SLC9B2: variants seen among roughly 807,000 people sequenced by gnomAD.
SLC9B2 encodes the protein solute carrier family 9 member B2.
Under a neutral mutation model 52.2 loss-of-function variants are expected in SLC9B2, and 39 were observed. The ratio of observed to expected loss-of-function variants is 0.75; its 90% CI spans 0.58 to 0.98. SLC9B2 has a LOEUF of 0.98. SLC9B2 is among the 50% of genes least tolerant of loss of function. The probability of loss-of-function intolerance (pLI) is 0.00; values close to 1 mark genes in which losing one functional copy is unlikely to be tolerated. For synonymous variants in SLC9B2, 214 were observed against 227.0 expected (o/e 0.94, Z 0.51); for missense variants, 626 against 637.5 (o/e 0.98, Z 0.19).
downstream of SLC9B2, among the ~76,000 whole-genome samples, chr4:103,021,115 A>G (rs1368487440): frequency 6.6e-6 from 1 of 151,934 alleles, no homozygotes; most frequent in Admixed American, 6.6e-5. Context: ...CCCTAAAGAT[A>G]ATGGGAGTTG....
chr4:103,043,573 G>A lies in SLC9B2; in HGVS notation c.997-128C>T, dbSNP rs1467140839. 7 of 807,114 alleles carry A rather than the reference G, an allele frequency of 8.7e-6. No homozygotes were observed. The Admixed American group carries it at 2.2e-4, about 25-fold the overall frequency. 50.0% of individuals were successfully genotyped at this position (807,114 alleles called of 1,614,324 possible). ...ATGTCTATATAAATAGACAAAACAA[G>A]TGCACTACATAACATTTACTTTCTC... On this transcript the variant is annotated intron_variant, in intron 8 of 11. Coordinates refer to ENST00000394785, the MANE Select transcript of SLC9B2 (RefSeq NM_178833.7).
intron 1 of SLC9B2, among the ~76,000 whole-genome samples, chr4:103,070,454 T>C (rs1746516181): frequency 6.6e-6 from 1 of 152,224 alleles, no homozygotes; most frequent in Non-Finnish European, 1.5e-5. Context: ...GTTTGTTTGA[T>C]TTTTGAGACG....
chr4:103,031,173 G>T (rs1411271840), intron 10 of SLC9B2, among the ~76,000 whole-genome samples: 1 of 152,088 alleles, frequency 6.6e-6, no homozygotes, highest in Non-Finnish European at 1.5e-5. Context: ...ATACTGTGAT[G>T]GAAGGAAAGA....
chr4:103,060,546 T>G (rs1024286689), intron 3 of SLC9B2, among the ~76,000 whole-genome samples: 20 of 151,054 alleles, frequency 1.3e-4, no homozygotes, highest in South Asian at 1.0e-3. Context: ...TGTTTGTTTT[T>G]TTTTTTTTTT....
downstream of SLC9B2, chr4:103,020,251 G>T: frequency 5.5e-6 from 2 of 364,690 alleles, no homozygotes; most frequent in Non-Finnish European, 1.0e-5. Flanking sequence ...AAACCTTTGT[G>T]AGTTTTTTTT....
At chr4:103,060,238 T>C (rs1745504840) in intron 3 of SLC9B2, among the ~76,000 whole-genome samples, 1 of 151,948 alleles carries the variant, frequency 6.6e-6, no homozygotes, top group Non-Finnish European at 1.5e-5. Flanking sequence ...TTCATCTTTG[T>C]GTGTACTGCA....
At chr4:103,072,160 G>A (rs1397463617) in intron 1 of SLC9B2, among the ~76,000 whole-genome samples, 1 of 145,084 alleles carries the variant, frequency 6.9e-6, no homozygotes, top group Non-Finnish European at 1.5e-5. Context: ...CCGGTTTCAA[G>A]CTATTCTCCT....
intron 7 of SLC9B2, among the ~76,000 whole-genome samples, chr4:103,046,524 T>C (rs1277587881): frequency 6.6e-6 from 1 of 152,198 alleles, no homozygotes; most frequent in East Asian, 1.9e-4. Context: ...TCCATTAAAA[T>C]CATTGCTGTT....
intron 9 of SLC9B2, among the ~76,000 whole-genome samples, chr4:103,034,238 T>C (rs1182714804): frequency 6.6e-6 from 1 of 152,154 alleles, no homozygotes; most frequent in Non-Finnish European, 1.5e-5. Flanking sequence ...TGTGCTGGGA[T>C]AACTGGCTAA....
At chr4:103,069,772 T>C (rs1415088024) in intron 1 of SLC9B2, among the ~76,000 whole-genome samples, 1 of 152,240 alleles carries the variant, frequency 6.6e-6, no homozygotes, top group Non-Finnish European at 1.5e-5. Context: ...GCAGTACCAC[T>C]AGAATTACCT....
At chr4:103,027,184 T>C (rs961830882) in intron 11 of SLC9B2, among the ~76,000 whole-genome samples, 1 of 152,204 alleles carries the variant, frequency 6.6e-6, no homozygotes, top group Admixed American at 6.5e-5. Flanking sequence ...AATCACAATA[T>C]TAATTAAATA....
chr4:103,050,166 G>A, intron 5 of SLC9B2, 74 bp downstream of exon 5: 1 of 1,296,080 alleles, frequency 7.7e-7, no homozygotes, highest in South Asian at 1.9e-5. Flanking sequence ...CTAATGCTTA[G>A]TGATTCTGTT....
At position 103,066,587 on chromosome 4, in the gene SLC9B2, CA is replaced by C. The variant is rs1746151931; in HGVS notation, c.91-81del. 13 of 1,335,098 alleles carry C rather than the reference CA, an allele frequency of 9.7e-6. No homozygotes were observed. In the East Asian group the frequency reaches 3.2e-4, roughly 32 times the overall value. 82.7% of individuals were successfully genotyped at this position (1,335,098 alleles called of 1,614,324 possible). A position where few individuals can be genotyped will look rare whatever the true frequency, so the allele number is the denominator to read the frequency against. On this transcript the variant is annotated intron_variant, in intron 2 of 11. Transcript: ENST00000394785. ...TTATAGGTACTGCATCATCACCTTA[CA>C]AATCAAATTTCTATGACTAGCATCA...
At chr4:103,072,056 G>GCTTTTTTTTTT (rs1746686766) in intron 1 of SLC9B2, among the ~76,000 whole-genome samples, 1 of 95,306 alleles carries the variant, frequency 1.0e-5, no homozygotes, top group Non-Finnish European at 1.9e-5. Flanking sequence ...TGGCTTTCAT[G>GCTTTTTTTTTT]TTTTTTTTTT....
In SLC9B2 at chr4:103,067,603, A is replaced by T. The variant is rs750307963; in HGVS notation, c.-42-11T>A. The T allele has an allele frequency of 2.9e-6, 4 of 1,360,882 alleles. No homozygotes were observed. In the African/African-American group the frequency reaches 5.7e-5, roughly 19 times the overall value. The allele number at this position is 1,360,882 out of a possible 1,614,324, so 84.3% of individuals were successfully genotyped here. On this transcript the variant is annotated splice_polypyrimidine_tract_variant and intron_variant, in intron 1 of 11. Coordinates refer to ENST00000394785, the MANE Select transcript of SLC9B2 (RefSeq NM_178833.7). ...GAAGAGGAACGAGATCTGTTTTGAA[A>T]GAGTATAGATATAGAGCAGTAATTT...
At position 103,026,037 on chromosome 4, in the gene SLC9B2, AAGTT is replaced by A. The variant is rs1357352036; in HGVS notation, c.*329_*332del. On this transcript the variant is annotated 3_prime_UTR_variant, in exon 12 of 12. Transcript: ENST00000394785. The stretch of plus-strand genomic sequence containing the variant: ...TGAATCAGGAAACTGTGAAAGTTAA[AAGTT>A]AGGGCAATCCTAGCTGAAGAGGATA... The A allele has an allele frequency of 1.7e-5, 3 of 178,240 alleles. No individual in the cohort carries two copies. Among genetic ancestry groups the A allele is most frequent in the Non-Finnish European group, 3.5e-5 (3 of 85,892 alleles). The allele number at this position is 178,240 out of a possible 1,614,324, so 11.0% of individuals were successfully genotyped here. A position where few individuals can be genotyped will look rare whatever the true frequency, so the allele number is the denominator to read the frequency against.
rs1302008315 is a variant in SLC9B2 at position 103,073,069 on chromosome 4, A to G, written c.-43+3115T>C. Among the ~76,000 whole-genome samples, 4 of 152,348 alleles carry G rather than the reference A, an allele frequency of 2.6e-5. No individual in the cohort carries two copies. In the East Asian group the frequency reaches 7.7e-4, roughly 29 times the overall value. ...CAAGAAGGCACCATCTTGCAAGCAG[A>G]GATCAAGTGTGTAACAGACATCAAA... On this transcript the variant is annotated intron_variant, in intron 1 of 11. Coordinates refer to ENST00000394785, the MANE Select transcript of SLC9B2 (RefSeq NM_178833.7).
intron 4 of SLC9B2, 56 bp from the exon 5 acceptor site, chr4:103,050,438 T>G: frequency 6.8e-7 from 1 of 1,464,016 alleles, no homozygotes; most frequent in Non-Finnish European, 9.1e-7. Context: ...AAAATATTTT[T>G]AGTACTTTAA....
Position 103,050,263 on chromosome 4 carries a change from C to T in SLC9B2, c.562G>A (p.Ala188Thr). ...ACCTTTGAATCCAGACCAAGGCCAG[C>T]ACGAACCAGAATGATAGACAGGGCT... Reference protein sequence around the residue: ...SIALSIILVRAGLGLDSKALK... With the variant: ...SIALSIILVRTGLGLDSKALK... The change falls in exon 5 of 12, where the codon GCT becomes ACT. Residue 188 changes from alanine (A) to threonine (T), a missense_variant. Transcript: ENST00000394785. The T allele has an allele frequency of 6.3e-7, 1 of 1,599,780 alleles. No individual in the cohort carries two copies. The highest frequency in any genetic ancestry group is 1.8e-5 in the Admixed American group (1 of 57,016).
Sources: gnomAD v4.1 joint callset for allele counts (sites outside exome capture counted in the v4.1 genomes callset) on GRCh38, gnomAD v4.1.1 for gene constraint, MANE v1.5 for transcripts, NCBI Gene and HGNC (gene_info 2026-07-23, HGNC 2026-07-21) for gene names.